PTGES: variants seen among roughly 807,000 people sequenced by gnomAD.
PTGES encodes the protein prostaglandin E synthase.
PTGES carries 3 observed loss-of-function variants against 11.8 expected under a neutral mutation model. The observed-to-expected ratio is 0.25, with a 90% confidence interval of 0.12 to 0.66. PTGES has a LOEUF of 0.66. Ranked by LOEUF, PTGES falls within the 30% of genes least tolerant of loss-of-function variation. The probability of loss-of-function intolerance (pLI) is 0.82; values close to 1 mark genes in which losing one functional copy is unlikely to be tolerated. For synonymous variants in PTGES, 94 were observed against 90.4 expected (o/e 1.04, Z -0.22); for missense variants, 180 against 213.0 (o/e 0.85, Z 0.96).
chr9:129,745,627 C>A lies in PTGES; in HGVS notation c.209+3028G>T, dbSNP rs1833041681. ...GTCTGACTTGGGCCCAGTATACAGT[C>A]GGCTTCCAGTAAGTCCTCACCAAAT... On this transcript the variant is annotated intron_variant, in intron 2 of 2. Transcript: ENST00000340607. This position sits in a 1 kb window ranked among gnomAD's most constrained non-coding sequence, Gnocchi z 4.2. Among the ~76,000 whole-genome samples the A allele has an allele frequency of 2.0e-5, 3 of 152,142 alleles. No homozygotes were observed. The highest frequency in any genetic ancestry group is 4.4e-5 in the Non-Finnish European group (3 of 68,032).
In PTGES at chr9:129,745,421, C is replaced by G. The variant is rs187281648; in HGVS notation, c.209+3234G>C. Among the ~76,000 whole-genome samples, 1 of 152,322 alleles carries G rather than the reference C, an allele frequency of 6.6e-6. No homozygotes were observed. The highest frequency in any genetic ancestry group is 2.4e-5 in the African/African-American group (1 of 41,568). On this transcript the variant is annotated intron_variant, in intron 2 of 2. Coordinates refer to ENST00000340607, the MANE Select transcript of PTGES (RefSeq NM_004878.5). The surrounding 1 kb of genome is among the most constrained non-coding windows in gnomAD (Gnocchi z 4.2). ...GGGTGACTCGAATCATACCATAAAC[C>G]CTGGTCTAATATTTAACCAACTTTT... is the stretch of plus-strand genomic sequence containing the variant.
intron 2 of PTGES, among the ~76,000 whole-genome samples, chr9:129,741,831 G>A (rs1832997727): frequency 6.6e-6 from 1 of 152,092 alleles, no homozygotes; most frequent in African/African-American, 2.4e-5. Context: ...CCTGAACCGG[G>A]CAGGTGGAGA....
chr9:129,746,725 C>G (rs1833051123), intron 2 of PTGES, among the ~76,000 whole-genome samples: 2 of 152,206 alleles, frequency 1.3e-5, no homozygotes, highest in South Asian at 4.1e-4. Context: ...CTGTCCAGCT[C>G]TCCGTCCTCC....
At chr9:129,752,769 G>A in intron 1 of PTGES, 118 bp downstream of exon 1, 1 of 1,503,692 alleles carries the variant, frequency 6.7e-7, no homozygotes. Flanking sequence ...TGGAAGAGGT[G>A]CTCACCTCCC....
intron 2 of PTGES, among the ~76,000 whole-genome samples, chr9:129,743,091 G>C (rs1389622760): frequency 6.6e-6 from 1 of 152,204 alleles, no homozygotes; most frequent in African/African-American, 2.4e-5. Context: ...TGCAGAAAAA[G>C]CGGGGACTGA....
At chr9:129,752,863 G>A (rs372224063) in intron 1 of PTGES, 24 bp downstream of exon 1, 45 of 1,613,606 alleles carry the variant, frequency 2.8e-5, no homozygotes, top group African/African-American at 6.7e-5. Flanking sequence ...GACCCAGGCC[G>A]GGGACCCCCA....
chr9:129,739,656 G>T lies in PTGES; in HGVS notation c.414C>A (p.Ala138=). 6.4e-7 allele frequency: 1 copy of T among 1,555,316 alleles called. No homozygotes were observed. The highest frequency in any genetic ancestry group is 1.2e-5 in the South Asian group (1 of 84,332). The part of the protein sequence containing the change: ...VTYTLAQLPC[A]SMALQILWEA... ...CCCAGAGGATCTGCAGAGCCATGGA[G>T]GCGCAGGGGAGCTGGGCCAGGGTGT... Residue 138 remains alanine (A), a synonymous_variant, in exon 3 of 3, where the codon GCC becomes GCA. Coordinates refer to ENST00000340607, the MANE Select transcript of PTGES (RefSeq NM_004878.5). The surrounding 1 kb of genome is among the most constrained non-coding windows in gnomAD (Gnocchi z 5.7).
chr9:129,742,328 C>CAAAAAAA (rs1194614585), intron 2 of PTGES, among the ~76,000 whole-genome samples: 24 of 50,636 alleles, frequency 4.7e-4, no homozygotes, highest in Non-Finnish European at 7.4e-4. Flanking sequence ...GACTCTGTCT[C>CAAAAAAA]AAAAAAAAAA....
chr9:129,739,793 C>T lies in PTGES; in HGVS notation c.277G>A (p.Gly93Ser), dbSNP rs980715563. 2 of 1,575,136 alleles carry T rather than the reference C, an allele frequency of 1.3e-6. No individual in the cohort carries two copies. Among genetic ancestry groups the T allele is most frequent in the Admixed American group, 3.7e-5 (2 of 53,904 alleles). ...LFLGFVYSFL[G>S]PNPFVAWMHF... ...ATCCAGGCGACAAAAGGGTTAGGACCCAGAAAGGAGTAGACGAAGCCCAGG... is the reference window on the plus strand; with the variant it reads ...ATCCAGGCGACAAAAGGGTTAGGACTCAGAAAGGAGTAGACGAAGCCCAGG... The change falls in exon 3 of 3, where the codon GGT (glycine) becomes AGT (serine). Residue 93 changes from glycine (G) to serine (S), a missense_variant. By Grantham distance (56) the Gly-to-Ser change is moderately conservative. Transcript: ENST00000340607. The surrounding 1 kb of genome is among the most constrained non-coding windows in gnomAD (Gnocchi z 5.7).
intron 1 of PTGES, 142 bp from the exon 2 acceptor site, chr9:129,748,879 T>G: frequency 5.9e-5 from 39 of 663,944 alleles, no homozygotes; most frequent in East Asian, 1.1e-4. Context: ...CATCCACGAT[T>G]CCTACCCTGT....
chr9:129,743,880 G>A (rs532052772), intron 2 of PTGES, among the ~76,000 whole-genome samples: 13 of 152,140 alleles, frequency 8.5e-5, no homozygotes, highest in East Asian at 5.8e-4. Flanking sequence ...ACAGAGTCTC[G>A]CTCTGTGCCC....
chr9:129,739,427 C>CATACACAT lies in PTGES; in HGVS notation c.*183_*184insATGTGTAT, dbSNP rs35042232. 1.7e-5 allele frequency: 13 copies of CATACACAT among 754,206 alleles called. No homozygotes were observed. In the African/African-American group the frequency reaches 2.1e-4, roughly 12 times the overall value. The allele number at this position is 754,206 out of a possible 1,614,324, so 46.7% of individuals were successfully genotyped here. A position where few individuals can be genotyped will look rare whatever the true frequency, so the allele number is the denominator to read the frequency against. The stretch of plus-strand genomic sequence containing the variant: ...TCCAAGGGGCTAAGAAACATACACA[C>CATACACAT]ACACATACACACACACGGGCACACA... On this transcript the variant is annotated 3_prime_UTR_variant, in exon 3 of 3. Coordinates refer to ENST00000340607, the MANE Select transcript of PTGES (RefSeq NM_004878.5). The surrounding 1 kb of genome is among the most constrained non-coding windows in gnomAD (Gnocchi z 5.7).
At chr9:129,741,128 T>TG (rs1832990585) in intron 2 of PTGES, among the ~76,000 whole-genome samples, 1 of 151,506 alleles carries the variant, frequency 6.6e-6, no homozygotes, top group Non-Finnish European at 1.5e-5. Context: ...GTGCCTGGGG[T>TG]GGGGGTGGGC....
chr9:129,751,806 G>A (rs1448758216), intron 1 of PTGES, among the ~76,000 whole-genome samples: 4 of 152,310 alleles, frequency 2.6e-5, no homozygotes, highest in South Asian at 2.1e-4. Context: ...AAAACAGGAT[G>A]ACTATGGCGC....
chr9:129,739,429 C>G lies in PTGES; in HGVS notation c.*182G>C, dbSNP rs201321556. On this transcript the variant is annotated 3_prime_UTR_variant, in exon 3 of 3. Transcript: ENST00000340607. The surrounding 1 kb of genome is among the most constrained non-coding windows in gnomAD (Gnocchi z 5.7). ...CAAGGGGCTAAGAAACATACACACACACATACACACACACGGGCACACACA... is the reference window on the plus strand; with the variant it reads ...CAAGGGGCTAAGAAACATACACACAGACATACACACACACGGGCACACACA... 2 of 790,728 alleles carry G rather than the reference C, an allele frequency of 2.5e-6. No individual in the cohort carries two copies. Among genetic ancestry groups the G allele is most frequent in the Non-Finnish European group, 3.9e-6 (2 of 512,372 alleles). 49.0% of individuals were successfully genotyped at this position (790,728 alleles called of 1,614,324 possible).
Position 129,752,893 on chromosome 9 carries a change from C to T in PTGES, c.120G>A (p.Arg40=). The change falls in exon 1 of 3, where the codon CGG becomes CGA. Residue 40 remains arginine, a synonymous_variant. Coordinates refer to ENST00000340607, the MANE Select transcript of PTGES (RefSeq NM_004878.5). ...VAIITGQVRL[R]KKAFANPEDA... ...CCCCCAGGGAGGCACATACCTTCTT[C>T]CGCAGCCTCACTTGGCCCGTGATGA... is the stretch of plus-strand genomic sequence containing the variant. The T allele has an allele frequency of 2.5e-6, 4 of 1,614,042 alleles. No homozygotes were observed. The highest frequency in any genetic ancestry group is 3.4e-6 in the Non-Finnish European group (4 of 1,180,052).
rs558092933 is a variant in PTGES, at chr9:129,750,244, T to C, written c.127-1507A>G. On this transcript the variant is annotated intron_variant, in intron 1 of 2. Coordinates refer to ENST00000340607, the MANE Select transcript of PTGES (RefSeq NM_004878.5). ...GAATCTCAGGAGCAGGTTTTCTAAA[T>C]TGTTCAGCTGACGGCAAATCCTGTG... 7.2e-4 allele frequency among the ~76,000 whole-genome samples: 110 copies of C among 152,152 alleles called. 1 individual carries two copies. The highest frequency in any genetic ancestry group is 1.4e-3 in the Non-Finnish European group (98 of 68,024).
chr9:129,742,890 A>G (rs1180279951), intron 2 of PTGES, among the ~76,000 whole-genome samples: 1 of 152,070 alleles, frequency 6.6e-6, no homozygotes, highest in Non-Finnish European at 1.5e-5. Context: ...AAAAAGAGTA[A>G]GTCAATGTTT....
Position 129,739,302 on chromosome 9 carries a change from G to A in PTGES, c.*309C>T, listed in dbSNP as rs1832967366. 2.9e-6 allele frequency: 1 copy of A among 339,216 alleles called. No homozygotes were observed. Among genetic ancestry groups the A allele is most frequent in the Non-Finnish European group, 5.5e-6 (1 of 183,146 alleles). 21.0% of individuals were successfully genotyped at this position (339,216 alleles called of 1,614,324 possible). On this transcript the variant is annotated 3_prime_UTR_variant, in exon 3 of 3. Coordinates refer to ENST00000340607, the MANE Select transcript of PTGES (RefSeq NM_004878.5). This position sits in a 1 kb window ranked among gnomAD's most constrained non-coding sequence, Gnocchi z 5.7. ...CTTTTCACTGTTAGGGAGGGAGAGG[G>A]AGTGATGTTTTTGATGCTCTGTTAC...
Sources: gnomAD v4.1 joint callset for allele counts (sites outside exome capture counted in the v4.1 genomes callset) on GRCh38, gnomAD v4.1.1 for gene constraint, Gnocchi (gnomAD v3.1) non-coding constraint, MANE v1.5 for transcripts, NCBI Gene and HGNC (gene_info 2026-07-23, HGNC 2026-07-21) for gene names.